The following CEP295 variants were observed in gnomAD, a reference collection of about 807,000 sequenced individuals.
CEP295 encodes centrosomal protein 295, also known as centrosomal protein of 295 kDa.
In CEP295, 190 loss-of-function variants were observed where a neutral mutation model predicts 291.6. The observed-to-expected ratio is 0.65, with a 90% CI of 0.58 to 0.73. The LOEUF is 0.73. Ranked by LOEUF, CEP295 falls within the 30% of genes least tolerant of loss-of-function variation. The pLI is 0.00. For synonymous variants in CEP295, 993 were observed against 1,038.8 expected (o/e 0.96, Z 0.85); for missense variants, 2,863 against 2,949.4 (o/e 0.97, Z 0.68).
chr11:93,677,490 A>G (rs1278503395), intron 6 of CEP295, among the ~76,000 whole-genome samples: 1 of 152,172 alleles, frequency 6.6e-6, no homozygotes, highest in African/African-American at 2.4e-5. Flanking sequence ...TCCTACTTAC[A>G]GCCAGTAATT....
rs1951995092 is a variant in CEP295, at chr11:93,698,994, A to G, written c.4082A>G (p.Gln1361Arg). Residue 1361 changes from glutamine (Q) to arginine (R), a missense_variant, in exon 15 of 30, where the codon CAG becomes CGG. Coordinates refer to ENST00000325212, the MANE Select transcript of CEP295 (RefSeq NM_033395.2). ...LKALQEQLAT[Q>R]REAIILARQE... Reference sequence around the variant, plus strand: ...GCACTTCAAGAACAGTTAGCTACACAGAGAGAAGCCATCATTCTAGCTAGA... The same window carrying G: ...GCACTTCAAGAACAGTTAGCTACACGGAGAGAAGCCATCATTCTAGCTAGA... The G allele has an allele frequency of 2.6e-6, 4 of 1,549,570 alleles. No individual in the cohort carries two copies. The highest frequency in any genetic ancestry group is 3.5e-6 in the Non-Finnish European group (4 of 1,147,018).
intron 18 of CEP295, among the ~76,000 whole-genome samples, chr11:93,713,661 G>A (rs1326960398): frequency 1.3e-5 from 2 of 152,046 alleles, no homozygotes; most frequent in Non-Finnish European, 2.9e-5. Context: ...GGTTAAATCT[G>A]CTTGGTGTTC....
intron 6 of CEP295, among the ~76,000 whole-genome samples, chr11:93,677,358 A>G (rs1158105662): frequency 3.9e-5 from 6 of 152,142 alleles, no homozygotes; most frequent in Non-Finnish European, 7.4e-5. Context: ...TTTTTAGCAC[A>G]TAAGAGCTGC....
chr11:93,717,840 A>G (rs1953384610), intron 18 of CEP295, among the ~76,000 whole-genome samples: 1 of 152,166 alleles, frequency 6.6e-6, no homozygotes, highest in South Asian at 2.1e-4. Flanking sequence ...TGATAGTGCC[A>G]GGTCAGCTCC....
chr11:93,727,535 AACAG>A lies in CEP295; in HGVS notation c.7063_7066del (p.Asp2355PhefsTer11). ...AAAAATATTTTGAGAATTCAGCTGA[AACAG>A]ACATTCCAAAAATCACCAAAAAACT... is the stretch of plus-strand genomic sequence containing the variant. On this transcript the variant is annotated frameshift_variant, in exon 24 of 30. Transcript: ENST00000325212. LOFTEE classifies it high-confidence loss of function. 1 of 1,551,652 alleles carries A rather than the reference AACAG, an allele frequency of 6.4e-7. No individual in the cohort carries two copies. Among genetic ancestry groups the A allele is most frequent in the Non-Finnish European group, 8.7e-7 (1 of 1,146,914 alleles).
At chr11:93,690,385 T>C (rs1406138219) in intron 10 of CEP295, among the ~76,000 whole-genome samples, 4 of 152,052 alleles carry the variant, frequency 2.6e-5, no homozygotes, top group Non-Finnish European at 5.9e-5. Context: ...TGAAACCCTG[T>C]CTCTACTAAA....
At chr11:93,671,841 A>C (rs534039849) in intron 5 of CEP295, among the ~76,000 whole-genome samples, 11 of 152,338 alleles carry the variant, frequency 7.2e-5, no homozygotes, top group Admixed American at 3.3e-4. Flanking sequence ...TTCTCCAAGC[A>C]GATAAAAATA....
chr11:93,698,615 A>G lies in CEP295; in HGVS notation c.3703A>G (p.Lys1235Glu). 2 of 1,551,558 alleles carry G rather than the reference A, an allele frequency of 1.3e-6. No individual in the cohort carries two copies. Among genetic ancestry groups the G allele is most frequent in the Non-Finnish European group, 1.7e-6 (2 of 1,147,108 alleles). Residue 1235 changes from lysine to glutamate, a missense_variant, in exon 15 of 30, where the codon AAG becomes GAG. Lys to Glu is a moderately conservative substitution (Grantham distance 56). This residue lies in a region of CEP295 where 2,295 missense variants were observed against 2,335.7 expected (regional missense o/e 0.98). Coordinates refer to ENST00000325212, the MANE Select transcript of CEP295 (RefSeq NM_033395.2). ...CAGTACCATTCCCTTAAGCCATCCT[A>G]AGATCCCAAGATGTCAGGAAAGACT... Reference protein sequence around the residue: ...SDSTIPLSHPKIPRCQERLLR... With the variant: ...SDSTIPLSHPEIPRCQERLLR...
intron 25 of CEP295, 169 bp from the exon 26 acceptor site, chr11:93,729,265 T>C (rs965750513): frequency 4.8e-6 from 3 of 620,320 alleles, no homozygotes; most frequent in African/African-American, 3.7e-5. Context: ...CAAAACCCAA[T>C]CCCTACAAAA....
intron 18 of CEP295, among the ~76,000 whole-genome samples, chr11:93,708,560 A>G (rs1207984053): frequency 6.6e-6 from 1 of 151,968 alleles, no homozygotes; most frequent in African/African-American, 2.4e-5. Flanking sequence ...TTGTTGATGG[A>G]CACTTAGGTT....
intron 6 of CEP295, among the ~76,000 whole-genome samples, chr11:93,678,322 C>CT (rs757778828): frequency 4.1e-4 from 63 of 152,152 alleles, no homozygotes; most frequent in South Asian, 6.2e-4. Flanking sequence ...TTTAATCTAA[C>CT]TTTTTTTGTC....
chr11:93,673,116 T>A (rs10831085), intron 5 of CEP295, among the ~76,000 whole-genome samples: 137,365 of 152,192 alleles, frequency 0.9, 63,140 homozygotes, highest in Non-Finnish European at 0.99. Flanking sequence ...CATCTCTGAA[T>A]TTTTGTTTTG....
intron 24 of CEP295, 119 bp downstream of exon 24, chr11:93,727,756 A>G (rs1314589894): frequency 1.3e-6 from 1 of 782,922 alleles, no homozygotes; most frequent in Non-Finnish European, 2.0e-6. Context: ...TCAAACTCCT[A>G]GGATCAAGGG....
intron 9 of CEP295, among the ~76,000 whole-genome samples, chr11:93,684,877 A>G (rs1466389271): frequency 6.6e-6 from 1 of 152,226 alleles, no homozygotes; most frequent in Non-Finnish European, 1.5e-5. Context: ...TTGTCAGATC[A>G]TCAGAGATCC....
chr11:93,691,469 G>A (rs924137588), intron 10 of CEP295, among the ~76,000 whole-genome samples: 9 of 152,050 alleles, frequency 5.9e-5, no homozygotes, highest in East Asian at 1.9e-4. Context: ...AGTTCTTCAC[G>A]TTTTCACAAT....
chr11:93,662,639 C>G (rs1439607655), intron 1 of CEP295, among the ~76,000 whole-genome samples: 1 of 152,164 alleles, frequency 6.6e-6, no homozygotes, highest in South Asian at 2.1e-4. Flanking sequence ...TTCCTTACAG[C>G]AGGATTCCGA....
intron 10 of CEP295, among the ~76,000 whole-genome samples, chr11:93,688,918 T>C (rs1951381940): frequency 6.6e-6 from 1 of 152,212 alleles, no homozygotes; most frequent in African/African-American, 2.4e-5. Flanking sequence ...CCTACAGTAT[T>C]CCACATTTCA....
At position 93,684,068 on chromosome 11, in the gene CEP295, T is replaced by C. The variant is rs1287960738; in HGVS notation, c.1054T>C (p.Leu352=). 4.5e-6 allele frequency: 7 copies of C among 1,551,464 alleles called. No individual in the cohort carries two copies. Among genetic ancestry groups the C allele is most frequent in the Non-Finnish European group, 6.1e-6 (7 of 1,146,950 alleles). Reference sequence around the variant, plus strand: ...GGACCTTTCAATGGAACAAGAAAATTTGGGTGCAGCTGAAGACCTTCCAGT... The same window carrying C: ...GGACCTTTCAATGGAACAAGAAAATCTGGGTGCAGCTGAAGACCTTCCAGT... ...ELDLSMEQEN[L]GAAEDLPVTE... is the part of the protein sequence containing the mutation. The change falls in exon 9 of 30, where the codon TTG becomes CTG. Residue 352 remains leucine (L), a synonymous_variant. Transcript: ENST00000325212.
At chr11:93,686,478 G>A (rs1951247495) in intron 9 of CEP295, among the ~76,000 whole-genome samples, 1 of 152,106 alleles carries the variant, frequency 6.6e-6, no homozygotes, top group Admixed American at 6.5e-5. Flanking sequence ...TTGGCTTGGT[G>A]TTGCCAAGTT....
Sources: gnomAD v4.1 joint callset for allele counts (sites outside exome capture counted in the v4.1 genomes callset) on GRCh38, gnomAD v4.1.1 for gene constraint, gnomAD v4.1.1 regional missense constraint, MANE v1.5 for transcripts, NCBI Gene and HGNC (gene_info 2026-07-23, HGNC 2026-07-21) for gene names.